The following DENND4A variants were observed in gnomAD, a reference collection of about 807,000 sequenced individuals.
The protein encoded by DENND4A is C-myc promoter-binding protein.
Under a neutral mutation model 199.3 loss-of-function variants are expected in DENND4A, and 70 were observed. The ratio of observed to expected loss-of-function variants is 0.35; its 90% CI spans 0.29 to 0.43. DENND4A has a LOEUF of 0.43. Among genes scored for constraint, DENND4A ranks in the 20% least tolerant of loss-of-function variants. DENND4A has a pLI of 1.00. For synonymous variants in DENND4A, 686 were observed against 766.9 expected (o/e 0.89, Z 1.74); for missense variants, 1,723 against 2,255.8 (o/e 0.76, Z 4.78).
chr15:65,683,402 A>C (rs1436421818), intron 23 of DENND4A, among the ~76,000 whole-genome samples: 1 of 151,948 alleles, frequency 6.6e-6, no homozygotes, highest in African/African-American at 2.4e-5. Context: ...CTCCATGTTT[A>C]TTACTTCCTT....
chr15:65,700,658 C>T lies in DENND4A; in HGVS notation c.2719G>A (p.Asp907Asn). The T allele has an allele frequency of 2.6e-6, 4 of 1,541,918 alleles. No homozygotes were observed. Among genetic ancestry groups the T allele is most frequent in the Non-Finnish European group, 2.6e-6 (3 of 1,143,874 alleles). The change falls in exon 20 of 33, where the codon GAT becomes AAT. Residue 907 changes from aspartate (D) to asparagine (N), a missense_variant. Asp to Asn is a conservative substitution (Grantham distance 23, BLOSUM62 1). Coordinates refer to ENST00000443035, the MANE Select transcript of DENND4A (RefSeq NM_001320835.1). Reference protein sequence around the residue: ...TTLSADGSDLDAVSHGSMDSG... With the variant: ...TTLSADGSDLNAVSHGSMDSG... ...TCCATGCTGCCATGACTAACAGCATCCAGGTCACTGCCATCTGCTTAAGAA... is the reference window on the plus strand; with the variant it reads ...TCCATGCTGCCATGACTAACAGCATTCAGGTCACTGCCATCTGCTTAAGAA...
intron 23 of DENND4A, among the ~76,000 whole-genome samples, chr15:65,688,284 A>C (rs1039094367): frequency 6.6e-6 from 1 of 152,142 alleles, no homozygotes; most frequent in African/African-American, 2.4e-5. Context: ...CCTTTACCTA[A>C]AGGAACCAGT....
chr15:65,689,976 A>G (rs971114958), intron 23 of DENND4A, among the ~76,000 whole-genome samples: 9 of 152,154 alleles, frequency 5.9e-5, no homozygotes, highest in African/African-American at 1.9e-4. Context: ...TTAAACAGAT[A>G]CTTTCTCTAT....
chr15:65,742,314 C>T (rs768880653), intron 4 of DENND4A, among the ~76,000 whole-genome samples: 1 of 151,984 alleles, frequency 6.6e-6, no homozygotes, highest in African/African-American at 2.4e-5. Context: ...AATGGAGTCT[C>T]GCTCTGTCAC....
At position 65,702,989 on chromosome 15, in the gene DENND4A, G is replaced by T; in HGVS notation, c.2107C>A (p.Leu703Ile). The T allele has an allele frequency of 6.2e-7, 1 of 1,612,306 alleles. No homozygotes were observed. Among genetic ancestry groups the T allele is most frequent in the Non-Finnish European group, 8.5e-7 (1 of 1,179,312 alleles). ...GGTCTTTCAAATAAATTGTTCCTAA[G>T]AACTGGAAATCCATTATAGCTGTTT... is the stretch of plus-strand genomic sequence containing the variant. ...LQYSYNGFPV[L>I]RNNLFERPEG... The change falls in exon 16 of 33, where the codon CTT becomes ATT. Residue 703 changes from leucine to isoleucine, a missense_variant. Transcript: ENST00000443035.
chr15:65,756,947 G>C lies in DENND4A; in HGVS notation c.-22-475C>G, dbSNP rs185233170. Among the ~76,000 whole-genome samples, 445 of 152,248 alleles carry C rather than the reference G, an allele frequency of 2.9e-3. 2 individuals carry two copies. Among genetic ancestry groups the C allele is most frequent in the Middle Eastern group, 0.017 (5 of 292 alleles). On this transcript the variant is annotated intron_variant, in intron 2 of 32. Transcript: ENST00000443035. ...AGCTACTCAGGAGGCTGAGGCAGGA[G>C]AATCTCCTGAATCCGGGAAGCTGAG...
chr15:65,728,856 GA>G, intron 11 of DENND4A: 1 of 562,946 alleles, frequency 1.8e-6, no homozygotes. Flanking sequence ...GCCTGAGGAT[GA>G]AAGGTATAGT....
In DENND4A at chr15:65,783,628, A is replaced by G. The variant is rs948682312; in HGVS notation, c.-102+8382T>C. ...GCTGATTCTAGGGCTGGGGCAGGAA[A>G]TATACAAGATGAGTCTGGAACTTCT... On this transcript the variant is annotated intron_variant, in intron 1 of 32. Coordinates refer to ENST00000443035, the MANE Select transcript of DENND4A (RefSeq NM_001320835.1). Among the ~76,000 whole-genome samples, 3 of 152,308 alleles carry G rather than the reference A, an allele frequency of 2.0e-5. No individual in the cohort carries two copies. In the Middle Eastern group the frequency reaches 0.01, roughly 518 times the overall value.
At position 65,738,727 on chromosome 15, in the gene DENND4A, T is replaced by A. The variant is rs756528607; in HGVS notation, c.780A>T (p.Leu260Phe). Reference sequence around the variant, plus strand: ...ATACCTTTTCAGCTGAGGCTCCAGTTAAAACAAAAGTAGAAAATACAGGCA... The same window carrying A: ...ATACCTTTTCAGCTGAGGCTCCAGTAAAAACAAAAGTAGAAAATACAGGCA... ...YPLPVFSTFV[L>F]TGASAEKVYG... The change falls in exon 6 of 33, where the codon TTA becomes TTT. Residue 260 changes from leucine (L) to phenylalanine (F), a missense_variant. Around this residue, in one of 6 missense-constraint regions of DENND4A, gnomAD observed 725 missense variants for 952.9 expected, o/e 0.76. Transcript: ENST00000443035. 1.9e-6 allele frequency: 3 copies of A among 1,611,298 alleles called. No homozygotes were observed. Among genetic ancestry groups the A allele is most frequent in the Non-Finnish European group, 2.5e-6 (3 of 1,178,848 alleles).
At chr15:65,763,224 C>T (rs2076897465) in intron 1 of DENND4A, among the ~76,000 whole-genome samples, 5 of 152,060 alleles carry the variant, frequency 3.3e-5, no homozygotes, top group Non-Finnish European at 7.4e-5. Context: ...ATCATAAGCA[C>T]CTCAAGAGGA....
At chr15:65,770,091 C>G (rs998303467) in intron 1 of DENND4A, among the ~76,000 whole-genome samples, 2 of 152,106 alleles carry the variant, frequency 1.3e-5, no homozygotes, top group African/African-American at 4.8e-5. Flanking sequence ...ACCTGCTGCT[C>G]TATTTCTGCT....
chr15:65,720,164 T>C (rs1048680517), intron 12 of DENND4A, among the ~76,000 whole-genome samples: 1 of 152,202 alleles, frequency 6.6e-6, no homozygotes, highest in Non-Finnish European at 1.5e-5. Context: ...TAATTCTCAA[T>C]GTTAATTTTC....
At chr15:65,769,917 T>C (rs773242947) in intron 1 of DENND4A, among the ~76,000 whole-genome samples, 2 of 151,988 alleles carry the variant, frequency 1.3e-5, no homozygotes, top group Non-Finnish European at 2.9e-5. Flanking sequence ...ATCTCCAGTA[T>C]ACAGGCACCA....
intron 12 of DENND4A, among the ~76,000 whole-genome samples, chr15:65,718,212 A>G (rs141491049): frequency 6.6e-6 from 1 of 152,248 alleles, no homozygotes; most frequent in Non-Finnish European, 1.5e-5. Flanking sequence ...CTACCCGTTT[A>G]TCTCACTACC....
intron 13 of DENND4A, among the ~76,000 whole-genome samples, chr15:65,716,217 A>C (rs1234582703): frequency 6.6e-6 from 1 of 150,566 alleles, no homozygotes; most frequent in Admixed American, 6.6e-5. Context: ...TGTCTGGCTA[A>C]TTTCTTTCTT....
chr15:65,732,857 A>T, intron 7 of DENND4A, 39 bp from the exon 8 acceptor site: 1 of 1,237,446 alleles, frequency 8.1e-7, no homozygotes, highest in South Asian at 1.3e-5. Flanking sequence ...TCCAAAGTGA[A>T]CGTCATATGC....
chr15:65,748,399 C>T (rs1011314559), intron 4 of DENND4A, among the ~76,000 whole-genome samples: 1 of 152,006 alleles, frequency 6.6e-6, no homozygotes, highest in Non-Finnish European at 1.5e-5. Flanking sequence ...GGGAGGATTG[C>T]TTGAGGCCAG....
rs546801445 is a variant in DENND4A, at chr15:65,762,884, C to T, written c.-101-1446G>A. On this transcript the variant is annotated intron_variant, in intron 1 of 32. Transcript: ENST00000443035. ...TCCTGGAACTAATCCATGGAGGATA[C>T]CAAGGGGCAAATGTACTTACATAGA... 7.9e-5 allele frequency among the ~76,000 whole-genome samples: 12 copies of T among 152,106 alleles called. No individual in the cohort carries two copies. The East Asian group carries it at 9.7e-4, about 12-fold the overall frequency.
chr15:65,737,021 C>A (rs1034542786), intron 7 of DENND4A, among the ~76,000 whole-genome samples: 75 of 152,186 alleles, frequency 4.9e-4, no homozygotes, highest in Non-Finnish European at 1.2e-4. Context: ...AAAATGCATT[C>A]ATCTAATTTC....
Sources: gnomAD v4.1 joint callset for allele counts (sites outside exome capture counted in the v4.1 genomes callset) on GRCh38, gnomAD v4.1.1 for gene constraint, gnomAD v4.1.1 regional missense constraint, MANE v1.5 for transcripts, NCBI Gene and HGNC (gene_info 2026-07-23, HGNC 2026-07-21) for gene names.